POLK: variants seen among roughly 807,000 people sequenced by gnomAD.
The protein encoded by POLK is polymerase (DNA directed) kappa.
A neutral mutation model predicts 94.0 loss-of-function variants in POLK; 76 were observed. That is an observed-to-expected ratio of 0.81 (90% CI 0.67 to 0.98). POLK has a LOEUF of 0.98. Among genes scored for constraint, POLK ranks in the 50% least tolerant of loss-of-function variants. The pLI is 0.00. For synonymous variants in POLK, 349 were observed against 325.4 expected, an observed-to-expected ratio of 1.07 and a Z score of -0.78; for missense variants, 954 against 1,010.1, an observed-to-expected ratio of 0.94 and a Z score of 0.75.
chr5:75,591,253 G>A (rs907586919), intron 11 of POLK, among the ~76,000 whole-genome samples: 1 of 152,074 alleles, frequency 6.6e-6, no homozygotes, highest in Non-Finnish European at 1.5e-5. Flanking sequence ...TCAAAACTAT[G>A]AGGTACATGT....
intron 2 of POLK, among the ~76,000 whole-genome samples, chr5:75,548,726 G>GTGTA (rs1183964922): frequency 1.3e-5 from 2 of 151,966 alleles, no homozygotes; most frequent in East Asian, 3.9e-4. Flanking sequence ...GTGTGTGTGT[G>GTGTA]TGTATGTATG....
intron 4 of POLK, among the ~76,000 whole-genome samples, chr5:75,572,496 T>A (rs1407762141): frequency 1.3e-5 from 2 of 152,156 alleles, no homozygotes; most frequent in Non-Finnish European, 2.9e-5. Flanking sequence ...CTATACTAAT[T>A]GTACTATACT....
At chr5:75,542,736 C>T (rs905237936) in intron 1 of POLK, among the ~76,000 whole-genome samples, 7 of 148,354 alleles carry the variant, frequency 4.7e-5, no homozygotes, top group East Asian at 2.0e-4. Context: ...CTTACTCTGT[C>T]GCCCAGGCTG....
At chr5:75,551,517 A>G (rs1175459732) in intron 2 of POLK, among the ~76,000 whole-genome samples, 1 of 152,230 alleles carries the variant, frequency 6.6e-6, no homozygotes, top group African/African-American at 2.4e-5. Context: ...CTACAACTCA[A>G]TAAGACAAGC....
intron 11 of POLK, among the ~76,000 whole-genome samples, chr5:75,592,985 G>T (rs937039223): frequency 6.6e-6 from 1 of 152,018 alleles, no homozygotes; most frequent in African/African-American, 2.4e-5. Context: ...GAGCCTGGGA[G>T]GTCAAAGCTG....
downstream of POLK, among the ~76,000 whole-genome samples, chr5:75,603,931 G>A (rs892412148): frequency 2.6e-5 from 4 of 152,152 alleles, no homozygotes; most frequent in South Asian, 2.1e-4. Flanking sequence ...CATGGCCCCC[G>A]ATGTTGGTTT....
chr5:75,584,856 C>T, exon 9 of POLK: 1 of 1,605,458 alleles, frequency 6.2e-7, no homozygotes, highest in East Asian at 2.2e-5. Flanking sequence ...GCTTTCTCTC[C>T]TTTTCTCTGA....
At chr5:75,514,443 A>G (rs1436429825) in intron 1 of POLK, among the ~76,000 whole-genome samples, 3 of 152,250 alleles carry the variant, frequency 2.0e-5, no homozygotes, top group Admixed American at 6.5e-5. Flanking sequence ...AAAGAACCAA[A>G]TAACATCATA....
chr5:75,553,705 G>C (rs910203690), intron 3 of POLK, among the ~76,000 whole-genome samples: 1 of 152,152 alleles, frequency 6.6e-6, no homozygotes, highest in Non-Finnish European at 1.5e-5. Flanking sequence ...TTTGACCAAA[G>C]ATGGTATCAT....
the POLK span, among the ~76,000 whole-genome samples, chr5:75,606,172 G>A: frequency 2.7e-5 from 1 of 37,492 alleles, no homozygotes; most frequent in Non-Finnish European, 5.3e-5. Context: ...AAACATCTCA[G>A]TGCTTTACAA....
chr5:75,547,484 A>G (rs954190778), intron 2 of POLK, among the ~76,000 whole-genome samples: 5 of 151,310 alleles, frequency 3.3e-5, no homozygotes, highest in South Asian at 2.1e-4. Context: ...CTCTTTCTGT[A>G]TAGGTAAATA....
At chr5:75,572,555 T>C (rs1222268555) in intron 4 of POLK, among the ~76,000 whole-genome samples, 1 of 152,202 alleles carries the variant, frequency 6.6e-6, no homozygotes, top group Non-Finnish European at 1.5e-5. Context: ...TACTTTCATG[T>C]AACATAACTC....
chr5:75,599,309 T>A (rs549294976), exon 15 of POLK: 1 of 152,226 alleles, frequency 6.6e-6, no homozygotes, highest in East Asian at 1.9e-4. Flanking sequence ...TTCTGTTACT[T>A]CTTTAAGGAG....
intron 1 of POLK, among the ~76,000 whole-genome samples, chr5:75,523,202 A>T (rs902713483): frequency 6.6e-6 from 1 of 152,062 alleles, no homozygotes; most frequent in African/African-American, 2.4e-5. Context: ...TGCATTTAAA[A>T]ATAGAAAATA....
chr5:75,547,472 A>G (rs1260534588), intron 2 of POLK, among the ~76,000 whole-genome samples: 1 of 151,252 alleles, frequency 6.6e-6, no homozygotes, highest in Non-Finnish European at 1.5e-5. Flanking sequence ...TATAACTTGG[A>G]GCTCTTTCTG....
chr5:75,586,504 G>C (rs1034755430), intron 9 of POLK, among the ~76,000 whole-genome samples: 1 of 152,076 alleles, frequency 6.6e-6, no homozygotes, highest in African/African-American at 2.4e-5. Flanking sequence ...AGAGCAGCTA[G>C]AATACAGCCA....
chr5:75,602,949 C>T (rs1018096414), downstream of POLK, among the ~76,000 whole-genome samples: 17 of 152,030 alleles, frequency 1.1e-4, no homozygotes, highest in Non-Finnish European at 5.9e-5. Flanking sequence ...GGTCAGTGTC[C>T]CCACTGAAGA....
At chr5:75,601,636 G>C (rs999791795), downstream of POLK, among the ~76,000 whole-genome samples, 1 of 152,190 alleles carries the variant, frequency 6.6e-6, no homozygotes, top group Admixed American at 6.5e-5. Flanking sequence ...TGTGCTGCAT[G>C]TCTTCTGCCC....
chr5:75,550,333 C>A (rs1770270765), intron 2 of POLK, among the ~76,000 whole-genome samples: 1 of 152,166 alleles, frequency 6.6e-6, no homozygotes, highest in Non-Finnish European at 1.5e-5. Context: ...GACCCCAGCA[C>A]TTTGGGAGGC....
Sources: allele counts gnomAD v4.1 joint callset (sites outside exome capture counted in the v4.1 genomes callset), GRCh38; gene constraint gnomAD v4.1.1; transcripts MANE v1.5; gene names NCBI Gene and HGNC (gene_info 2026-07-23, HGNC 2026-07-21).